The following PTPN4 variants were observed in gnomAD, a reference collection of about 807,000 sequenced individuals.
PTPN4 encodes protein tyrosine phosphatase non-receptor type 4, also known as tyrosine-protein phosphatase non-receptor type 4.
PTPN4 carries 49 observed loss-of-function variants against 135.5 expected under a neutral mutation model. The ratio of observed to expected loss-of-function variants is 0.36; its 90% confidence interval spans 0.29 to 0.46. The LOEUF is 0.46. Ranked by LOEUF, PTPN4 falls within the 20% of genes least tolerant of loss-of-function variation. The pLI, the probability that PTPN4 is intolerant of heterozygous loss-of-function variation, is 1.00. For missense variants in PTPN4, 860 were observed against 1,101.0 expected, an observed-to-expected ratio of 0.78 and a Z score of 3.10; for synonymous variants, 333 against 369.9, an observed-to-expected ratio of 0.90 and a Z score of 1.14.
intron 6 of PTPN4, 82 bp downstream of exon 6, chr2:119,881,912 T>A: frequency 8.5e-7 from 1 of 1,180,954 alleles, no homozygotes; most frequent in Non-Finnish European, 1.2e-6. Context: ...TAATTCATGG[T>A]CATTGCAAAC....
chr2:119,959,543 C>A (rs1173031513), intron 22 of PTPN4, among the ~76,000 whole-genome samples: 2 of 152,192 alleles, frequency 1.3e-5, no homozygotes, highest in Middle Eastern at 3.2e-3. Context: ...GAGTTTGAGA[C>A]CTGCCTAGGC....
chr2:119,788,834 G>GAGGA (rs1377530604), intron 1 of PTPN4, among the ~76,000 whole-genome samples: 8 of 152,108 alleles, frequency 5.3e-5, no homozygotes, highest in Admixed American at 2.0e-4. Context: ...ATGGACACTT[G>GAGGA]GTTTGTTTTC....
At chr2:119,826,049 A>G (rs1358912581) in intron 2 of PTPN4, among the ~76,000 whole-genome samples, 1 of 152,192 alleles carries the variant, frequency 6.6e-6, no homozygotes, top group African/African-American at 2.4e-5. Context: ...TTCCACCTCA[A>G]TTTTATAGGT....
intron 15 of PTPN4, among the ~76,000 whole-genome samples, chr2:119,937,991 A>G (rs1679009162): frequency 6.6e-6 from 1 of 151,992 alleles, no homozygotes; most frequent in Admixed American, 6.6e-5. Flanking sequence ...TAAGATAAGC[A>G]AGTTATTTTT....
chr2:119,837,809 A>G (rs1677318346), intron 2 of PTPN4, among the ~76,000 whole-genome samples: 1 of 152,170 alleles, frequency 6.6e-6, no homozygotes, highest in African/African-American at 2.4e-5. Context: ...CCCCTCATCT[A>G]GATTCAGGTG....
rs529219869 is a variant in PTPN4, at chr2:119,946,166, T to C, written c.1516-175T>C. Among the ~76,000 whole-genome samples, 274 of 152,270 alleles carry C rather than the reference T, an allele frequency of 1.8e-3. 1 individual carries two copies. The highest frequency in any genetic ancestry group is 6.8e-3 in the Middle Eastern group (2 of 294). On this transcript the variant is annotated intron_variant, in intron 16 of 26. Coordinates refer to ENST00000263708, the MANE Select transcript of PTPN4 (RefSeq NM_002830.4). Reference sequence around the variant, plus strand: ...CATGAGAGGATATATCTGGTTGGGCTAACTGCAAGTTATTAGTCAAAGAAT... The same window carrying C: ...CATGAGAGGATATATCTGGTTGGGCCAACTGCAAGTTATTAGTCAAAGAAT...
At chr2:119,825,495 C>CTTTT (rs891070534) in intron 2 of PTPN4, among the ~76,000 whole-genome samples, 1 of 129,304 alleles carries the variant, frequency 7.7e-6, no homozygotes, top group African/African-American at 3.0e-5. Context: ...GAACCCAAGC[C>CTTTT]TTTTTTTTTT....
intron 9 of PTPN4, among the ~76,000 whole-genome samples, chr2:119,891,356 T>C (rs1678237708): frequency 6.6e-6 from 1 of 152,218 alleles, no homozygotes; most frequent in Non-Finnish European, 1.5e-5. Context: ...GGAGTCTTGC[T>C]CTGTTGCCCA....
chr2:119,976,786 G>C (rs1304808582), intron 26 of PTPN4, among the ~76,000 whole-genome samples, 198 bp from the exon 27 acceptor site: 1 of 152,104 alleles, frequency 6.6e-6, no homozygotes, highest in Non-Finnish European at 1.5e-5. Context: ...ATATAAGTGA[G>C]TTTTGCCAAC....
At chr2:119,942,771 C>T (rs1574414779) in intron 15 of PTPN4, among the ~76,000 whole-genome samples, 1 of 152,134 alleles carries the variant, frequency 6.6e-6, no homozygotes, top group Admixed American at 6.5e-5. Flanking sequence ...TCTGTGTGCT[C>T]TAATCCTATG....
At chr2:119,779,989 G>T in intron 1 of PTPN4, among the ~76,000 whole-genome samples, 1 of 152,134 alleles carries the variant, frequency 6.6e-6, no homozygotes, top group South Asian at 2.1e-4. Flanking sequence ...CAAGAACTCT[G>T]CCCTCCTTGG....
At chr2:119,877,658 A>G in intron 5 of PTPN4, 116 bp downstream of exon 5, 1 of 1,306,000 alleles carries the variant, frequency 7.7e-7, no homozygotes, top group Non-Finnish European at 1.0e-6. Context: ...TCCAGTCAGT[A>G]CACAGAATAA....
intron 10 of PTPN4, among the ~76,000 whole-genome samples, 155 bp downstream of exon 10, chr2:119,900,961 A>G (rs1231572437): frequency 6.6e-6 from 1 of 152,228 alleles, no homozygotes; most frequent in Non-Finnish European, 1.5e-5. Context: ...ACCTACCAGA[A>G]GACACCAAAA....
At chr2:119,838,074 A>G (rs1677322700) in intron 2 of PTPN4, among the ~76,000 whole-genome samples, 1 of 152,262 alleles carries the variant, frequency 6.6e-6, no homozygotes, top group South Asian at 2.1e-4. Context: ...TTTAATTCAG[A>G]TTAATAGAAG....
chr2:119,784,804 C>A (rs1218720174), intron 1 of PTPN4, among the ~76,000 whole-genome samples: 1 of 149,326 alleles, frequency 6.7e-6, no homozygotes, highest in Non-Finnish European at 1.5e-5. Flanking sequence ...TACCAAAGTG[C>A]TAAGATTATA....
intron 22 of PTPN4, among the ~76,000 whole-genome samples, chr2:119,958,691 A>G (rs1558775215): frequency 1.3e-5 from 2 of 152,232 alleles, no homozygotes; most frequent in Non-Finnish European, 2.9e-5. Context: ...AGGTTCCCCC[A>G]GGCCAAAAGT....
At chr2:119,939,335 C>G (rs972469974) in intron 15 of PTPN4, among the ~76,000 whole-genome samples, 1 of 152,164 alleles carries the variant, frequency 6.6e-6, no homozygotes, top group Non-Finnish European at 1.5e-5. Flanking sequence ...GGGTCTTGCT[C>G]TGTTGCCTAG....
chr2:119,763,322 G>T (rs1231424647), intron 1 of PTPN4, among the ~76,000 whole-genome samples: 4 of 152,108 alleles, frequency 2.6e-5, no homozygotes, highest in Non-Finnish European at 5.9e-5. Flanking sequence ...ATCAATTTGG[G>T]TTGGTTATTG....
intron 18 of PTPN4, among the ~76,000 whole-genome samples, chr2:119,951,608 A>T (rs2105051928): frequency 6.6e-6 from 1 of 152,330 alleles, no homozygotes; most frequent in East Asian, 1.9e-4. Flanking sequence ...TGGTAACTAA[A>T]GTTTGAATTG....
Sources: allele counts gnomAD v4.1 joint callset (sites outside exome capture counted in the v4.1 genomes callset), GRCh38; gene constraint gnomAD v4.1.1; transcripts MANE v1.5; gene names NCBI Gene and HGNC (gene_info 2026-07-23, HGNC 2026-07-21).